The following FERMT1 variants were observed in gnomAD, a reference collection of about 807,000 sequenced individuals.
The protein encoded by FERMT1 is FERM domain containing kindlin 1, also known as fermitin family homolog 1.
FERMT1 carries 60 observed loss-of-function variants against 85.3 expected under a neutral mutation model. The ratio of observed to expected loss-of-function variants is 0.70; its 90% CI spans 0.57 to 0.87. The LOEUF (loss-of-function observed/expected upper bound fraction) is 0.87, where lower values mean the gene tolerates loss of function less well. Ranked by LOEUF, FERMT1 falls within the 40% of genes least tolerant of loss-of-function variation. The pLI is 0.00. For missense variants in FERMT1, 701 were observed against 818.9 expected (o/e 0.86, Z 1.76); for synonymous variants, 275 against 301.1 (o/e 0.91, Z 0.90).
Position 6,095,559 on chromosome 20 carries a change from T to C in FERMT1, c.1090-571A>G, listed in dbSNP as rs537694822. On this transcript the variant is annotated intron_variant, in intron 8 of 14. Coordinates refer to ENST00000217289, the MANE Select transcript of FERMT1 (RefSeq NM_017671.5). ...CTTGTTCAAAGTTCATTCTGTAATG[T>C]AGGCTGGTGCCTGTTTTCAAACTGA... Among the ~76,000 whole-genome samples, 5 of 152,366 alleles carry C rather than the reference T, an allele frequency of 3.3e-5. No individual in the cohort carries two copies. In the East Asian group the frequency reaches 5.8e-4, roughly 18 times the overall value.
At chr20:6,114,363 T>C (rs572220131) in intron 3 of FERMT1, among the ~76,000 whole-genome samples, 2 of 152,328 alleles carry the variant, frequency 1.3e-5, no homozygotes, top group East Asian at 1.9e-4. Context: ...ATTGATAAGA[T>C]ATAAAATGCA....
intron 12 of FERMT1, among the ~76,000 whole-genome samples, chr20:6,084,825 C>G (rs376828003): frequency 1.3e-5 from 2 of 151,966 alleles, no homozygotes; most frequent in East Asian, 1.9e-4. Flanking sequence ...TCCCAAGTAG[C>G]TGGGATTACA....
intron 5 of FERMT1, among the ~76,000 whole-genome samples, chr20:6,109,803 A>T (rs1982895046): frequency 6.6e-6 from 1 of 151,194 alleles, no homozygotes; most frequent in Non-Finnish European, 1.5e-5. Flanking sequence ...CAGAAAGCTG[A>T]GGCAGGAGAA....
chr20:6,076,197 G>GT lies in FERMT1; in HGVS notation c.*975dup. The GT allele has an allele frequency of 3.3e-6, 1 of 302,038 alleles. No individual in the cohort carries two copies. Among genetic ancestry groups the GT allele is most frequent in the Non-Finnish European group, 6.6e-6 (1 of 152,154 alleles). 18.7% of individuals were successfully genotyped at this position (302,038 alleles called of 1,614,324 possible). A position where few individuals can be genotyped will look rare whatever the true frequency, so the allele number is the denominator to read the frequency against. On this transcript the variant is annotated 3_prime_UTR_variant, in exon 15 of 15. Transcript: ENST00000217289. ...CCTAAAGCCCCTGTGGGGGCAGCCAGTGGGGAGCTGTCAGACCTTGGACAT... is the reference window on the plus strand; with the variant it reads ...CCTAAAGCCCCTGTGGGGGCAGCCAGTTGGGGAGCTGTCAGACCTTGGACAT...
At chr20:6,114,610 T>C (rs2123148390) in intron 3 of FERMT1, among the ~76,000 whole-genome samples, 1 of 152,344 alleles carries the variant, frequency 6.6e-6, no homozygotes, top group East Asian at 1.9e-4. Context: ...GCTTGCCATT[T>C]GCACACCAGG....
chr20:6,091,516 G>A (rs868125805), intron 9 of FERMT1, among the ~76,000 whole-genome samples: 5 of 152,166 alleles, frequency 3.3e-5, no homozygotes, highest in Admixed American at 2.0e-4. Context: ...ACAGGCATGA[G>A]CCTCCATGCC....
chr20:6,091,355 G>A (rs1031252647), intron 9 of FERMT1, among the ~76,000 whole-genome samples: 8 of 151,328 alleles, frequency 5.3e-5, no homozygotes, highest in African/African-American at 7.3e-5. Context: ...CCAGCCTCCC[G>A]GGTAGCTGGG....
intron 10 of FERMT1, among the ~76,000 whole-genome samples, chr20:6,088,626 C>CTTTT (rs11475498): frequency 8.3e-6 from 1 of 121,178 alleles, no homozygotes. Flanking sequence ...CTGCTCACCT[C>CTTTT]TTTTTTTTTT....
At chr20:6,083,518 A>G (rs1204339309) in intron 13 of FERMT1, among the ~76,000 whole-genome samples, 1 of 151,996 alleles carries the variant, frequency 6.6e-6, no homozygotes, top group East Asian at 1.9e-4. Flanking sequence ...AGACACAAAA[A>G]GGAGGAAGCT....
chr20:6,099,522 TTA>T (rs1982599933), intron 6 of FERMT1, among the ~76,000 whole-genome samples: 1 of 152,096 alleles, frequency 6.6e-6, no homozygotes. Context: ...ATGACTTCAC[TTA>T]TATAAACTAT....
intron 13 of FERMT1, among the ~76,000 whole-genome samples, 156 bp from the exon 14 acceptor site, chr20:6,079,733 T>C (rs1017765538): frequency 6.6e-6 from 1 of 152,200 alleles, no homozygotes; most frequent in Non-Finnish European, 1.5e-5. Context: ...GGCATTTTTA[T>C]TGGGATATAG....
intron 13 of FERMT1, among the ~76,000 whole-genome samples, chr20:6,082,849 G>C (rs541564088): frequency 6.6e-6 from 1 of 152,020 alleles, no homozygotes; most frequent in African/African-American, 2.4e-5. Context: ...TAGTAGAGAT[G>C]GGGTTTTGCT....
chr20:6,091,559 T>C (rs1438994222), intron 9 of FERMT1, among the ~76,000 whole-genome samples: 1 of 152,184 alleles, frequency 6.6e-6, no homozygotes, highest in Non-Finnish European at 1.5e-5. Context: ...TGTTGTTTAA[T>C]ACTCAGATTC....
intron 1 of FERMT1, chr20:6,120,626 A>G (rs1983247380): frequency 6.6e-6 from 1 of 152,226 alleles, no homozygotes; most frequent in African/African-American, 2.4e-5. Context: ...TTTAAATGAT[A>G]ATGAGTCTTT....
chr20:6,100,223 G>A (rs1982625636), intron 6 of FERMT1, among the ~76,000 whole-genome samples: 1 of 152,144 alleles, frequency 6.6e-6, no homozygotes, highest in African/African-American at 2.4e-5. Context: ...ATGAATGAAT[G>A]TAGTATACAT....
intron 6 of FERMT1, among the ~76,000 whole-genome samples, chr20:6,099,997 AGAG>A (rs1471862370): frequency 1.3e-5 from 2 of 150,886 alleles, no homozygotes; most frequent in African/African-American, 4.9e-5. Context: ...AAAAAAAAAA[AGAG>A]AGAGAAAATG....
chr20:6,081,279 A>C (rs1021613597), intron 13 of FERMT1, among the ~76,000 whole-genome samples: 4 of 148,560 alleles, frequency 2.7e-5, no homozygotes, highest in African/African-American at 5.1e-5. Context: ...AAAAAAAAAA[A>C]ACCAAAAAAC....
intron 11 of FERMT1, 152 bp from the exon 12 acceptor site, chr20:6,085,439 C>A: frequency 1.4e-6 from 1 of 703,722 alleles, no homozygotes; most frequent in Admixed American, 2.1e-5. Flanking sequence ...GGCTGCTCAT[C>A]AGCTAATGTA....
intron 6 of FERMT1, among the ~76,000 whole-genome samples, chr20:6,101,179 G>A (rs926985009): frequency 2.6e-5 from 4 of 152,188 alleles, no homozygotes; most frequent in Non-Finnish European, 5.9e-5. Flanking sequence ...CACAGATGCC[G>A]TTAGTAGAAA....
Sources: gnomAD v4.1 joint callset for allele counts (sites outside exome capture counted in the v4.1 genomes callset) on GRCh38, gnomAD v4.1.1 for gene constraint, MANE v1.5 for transcripts, NCBI Gene and HGNC (gene_info 2026-07-23, HGNC 2026-07-21) for gene names.